The following SPATA6 variants were observed in gnomAD, a reference collection of about 807,000 sequenced individuals.
SPATA6 encodes spermatogenesis-associated protein 6.
Under a neutral mutation model 65.3 loss-of-function variants are expected in SPATA6, and 56 were observed. That is an observed-to-expected ratio of 0.86 (90% CI 0.69 to 1.07). The LOEUF (loss-of-function observed/expected upper bound fraction) is 1.07, where lower values mean the gene tolerates loss of function less well. Ranked by LOEUF, SPATA6 falls within the 50% of genes least tolerant of loss-of-function variation. The pLI, the probability that SPATA6 is intolerant of heterozygous loss-of-function variation, is 0.00. For missense variants in SPATA6, 590 were observed against 594.8 expected, an observed-to-expected ratio of 0.99 and a Z score of 0.08; for synonymous variants, 199 against 213.2, an observed-to-expected ratio of 0.93 and a Z score of 0.58.
the SPATA6 span, among the ~76,000 whole-genome samples, chr1:48,262,014 A>G: frequency 2.6e-5 from 4 of 152,156 alleles, no homozygotes; most frequent in Non-Finnish European, 5.9e-5. Context: ...ACTAACTTAC[A>G]TTACATACAA....
intron 9 of SPATA6, among the ~76,000 whole-genome samples, chr1:48,363,551 A>C (rs1646885871): frequency 6.6e-6 from 1 of 152,160 alleles, no homozygotes. Context: ...TTGGCTCATA[A>C]AGATAATTTT....
intron 9 of SPATA6, among the ~76,000 whole-genome samples, chr1:48,365,152 A>G (rs1468303547): frequency 8.6e-5 from 13 of 151,964 alleles, no homozygotes; most frequent in Admixed American, 7.9e-4. Context: ...TGTTCCATTG[A>G]TCTATATCTC....
chr1:48,285,904 C>A, the SPATA6 span, among the ~76,000 whole-genome samples: 2 of 152,288 alleles, frequency 1.3e-5, no homozygotes, highest in South Asian at 4.1e-4. Flanking sequence ...CAGCCACCCC[C>A]CAACATCTTT....
chr1:48,296,015 C>T lies in SPATA6; in HGVS notation c.*2698G>A, dbSNP rs1318432067. On this transcript the variant is annotated 3_prime_UTR_variant, in exon 13 of 13. Transcript: ENST00000371847. ...AAGGAAGAGTCTCATTCCAATGATT[C>T]ATCTTTATTTGTCGATTTTGACATT... 1 of 151,494 alleles carries T rather than the reference C, an allele frequency of 6.6e-6. No homozygotes were observed. Among genetic ancestry groups the T allele is most frequent in the Non-Finnish European group, 1.5e-5 (1 of 67,980 alleles). 9.4% of individuals were successfully genotyped at this position (151,494 alleles called of 1,614,324 possible). A position where few individuals can be genotyped will look rare whatever the true frequency, so the allele number is the denominator to read the frequency against.
chr1:48,453,020 A>G lies in SPATA6; in HGVS notation c.163T>C (p.Phe55Leu). The G allele has an allele frequency of 6.2e-7, 1 of 1,613,878 alleles. No homozygotes were observed. Among genetic ancestry groups the G allele is most frequent in the Non-Finnish European group, 8.5e-7 (1 of 1,179,930 alleles). ...TTTTCAAACACCATTCTGGCATTGAAGACCAGGGGAAAAGTGGCTGGGACA... is the reference window on the plus strand; with the variant it reads ...TTTTCAAACACCATTCTGGCATTGAGGACCAGGGGAAAAGTGGCTGGGACA... ...QCVPATFPLVFNARMVFEKVF... is the reference protein window; with the variant it reads ...QCVPATFPLVLNARMVFEKVF... The change falls in exon 2 of 13, where the codon TTC (phenylalanine) becomes CTC (leucine). Residue 55 changes from phenylalanine to leucine, a missense_variant. By Grantham distance (22) the Phe-to-Leu change is conservative. Coordinates refer to ENST00000371847, the MANE Select transcript of SPATA6 (RefSeq NM_019073.4).
At chr1:48,343,549 G>C (rs1646277942) in intron 11 of SPATA6, among the ~76,000 whole-genome samples, 1 of 152,068 alleles carries the variant, frequency 6.6e-6, no homozygotes. Flanking sequence ...AGAGAGGGAA[G>C]GAAAGTAGAG....
At chr1:48,436,784 G>GA (rs1427132778) in intron 3 of SPATA6, 1 of 1,614,044 alleles carries the variant, frequency 6.2e-7, no homozygotes, top group Non-Finnish European at 8.5e-7. Flanking sequence ...GACATGCATA[G>GA]AACTCAGATG....
Position 48,398,582 on chromosome 1 carries a change from G to A in SPATA6, c.780+769C>T, listed in dbSNP as rs185853338. ...CTTGAGGTTTAGTATTATTATATAT[G>A]TACATATAACATTAATCCATATTTT... On this transcript the variant is annotated intron_variant, in intron 7 of 12. Transcript: ENST00000371847. Among the ~76,000 whole-genome samples, 54 of 151,766 alleles carry A rather than the reference G, an allele frequency of 3.6e-4. 2 individuals are homozygous for A. Among genetic ancestry groups the A allele is most frequent in the South Asian group, 1.5e-3 (7 of 4,820 alleles).
At chr1:48,440,430 G>A (rs1279342372) in intron 3 of SPATA6, among the ~76,000 whole-genome samples, 1 of 152,176 alleles carries the variant, frequency 6.6e-6, no homozygotes, top group Non-Finnish European at 1.5e-5. Context: ...CCAAGAGTTT[G>A]GAGATACCTG....
Position 48,324,462 on chromosome 1 carries a change from G to A in SPATA6, c.1195-18584C>T, listed in dbSNP as rs1464098257. On this transcript the variant is annotated intron_variant, in intron 11 of 12. Coordinates refer to ENST00000371847, the MANE Select transcript of SPATA6 (RefSeq NM_019073.4). ...ACTCTTAGCAAAATACTAGCAAATC[G>A]AATTTGACAATACATTAGAAAGATT... 5.3e-5 allele frequency among the ~76,000 whole-genome samples: 8 copies of A among 151,970 alleles called. No homozygotes were observed. In the South Asian group the frequency reaches 1.2e-3, roughly 24 times the overall value.
chr1:48,411,393 C>A, intron 5 of SPATA6, 71 bp downstream of exon 5: 1 of 1,468,786 alleles, frequency 6.8e-7, no homozygotes, highest in African/African-American at 1.4e-5. Flanking sequence ...TTTAAGATGG[C>A]GAGCACTATG....
At chr1:48,413,195 A>C in intron 3 of SPATA6, 44 bp from the exon 4 acceptor site, 1 of 1,179,458 alleles carries the variant, frequency 8.5e-7, no homozygotes. Flanking sequence ...CAAATTAATA[A>C]CAAAAAAATT....
At chr1:48,456,998 T>A (rs909862067) in intron 1 of SPATA6, among the ~76,000 whole-genome samples, 3 of 151,756 alleles carry the variant, frequency 2.0e-5, no homozygotes, top group African/African-American at 7.3e-5. Context: ...ATCAAAGAAA[T>A]CAAGGGAGGA....
the SPATA6 span, among the ~76,000 whole-genome samples, chr1:48,281,085 C>T: frequency 1.3e-5 from 2 of 152,216 alleles, no homozygotes; most frequent in African/African-American, 2.4e-5. Context: ...ACAAACACCA[C>T]ATGATTATCT....
chr1:48,270,731 A>G, the SPATA6 span, among the ~76,000 whole-genome samples: 7 of 152,056 alleles, frequency 4.6e-5, no homozygotes, highest in South Asian at 1.4e-3. Flanking sequence ...AGAGGAAAAA[A>G]AAAAAACCAT....
chr1:48,354,337 T>C (rs975745400), intron 11 of SPATA6, among the ~76,000 whole-genome samples: 1 of 152,078 alleles, frequency 6.6e-6, no homozygotes, highest in African/African-American at 2.4e-5. Context: ...TTTGATAGCA[T>C]CTACTAAAGC....
At chr1:48,333,444 A>T (rs980877340) in intron 11 of SPATA6, among the ~76,000 whole-genome samples, 1 of 152,084 alleles carries the variant, frequency 6.6e-6, no homozygotes, top group Non-Finnish European at 1.5e-5. Flanking sequence ...TTGCTCCTCA[A>T]CTTGCAGACA....
chr1:48,427,975 C>T (rs969191833), intron 3 of SPATA6, among the ~76,000 whole-genome samples: 17 of 152,124 alleles, frequency 1.1e-4, no homozygotes, highest in Non-Finnish European at 2.2e-4. Flanking sequence ...AGAGAGAACA[C>T]ACTGTATTTG....
intron 11 of SPATA6, among the ~76,000 whole-genome samples, chr1:48,306,547 T>C (rs1346889411): frequency 6.6e-6 from 1 of 152,016 alleles, no homozygotes; most frequent in African/African-American, 2.4e-5. Flanking sequence ...GGTAATGGTA[T>C]ATAATTTAAT....
Sources: allele counts gnomAD v4.1 joint callset (sites outside exome capture counted in the v4.1 genomes callset), GRCh38; gene constraint gnomAD v4.1.1; transcripts MANE v1.5; gene names NCBI Gene and HGNC (gene_info 2026-07-23, HGNC 2026-07-21).